Variants in PRCP observed in about 807,000 individuals in gnomAD.
The protein encoded by PRCP is prolylcarboxypeptidase.
In PRCP, 46 loss-of-function variants were observed where a neutral mutation model predicts 54.2. The observed-to-expected ratio is 0.85, with a 90% CI of 0.67 to 1.09. The LOEUF (loss-of-function observed/expected upper bound fraction) is 1.09, where lower values mean the gene tolerates loss of function less well. PRCP is among the 50% of genes least tolerant of loss of function. The pLI, the probability that PRCP is intolerant of heterozygous loss-of-function variation, is 0.00. For synonymous variants in PRCP, 240 were observed against 212.2 expected, an observed-to-expected ratio of 1.13 and a Z score of -1.14; for missense variants, 613 against 596.8, an observed-to-expected ratio of 1.03 and a Z score of -0.28.
chr11:82,866,826 A>G (rs1859347938), intron 1 of PRCP, among the ~76,000 whole-genome samples: 1 of 151,982 alleles, frequency 6.6e-6, no homozygotes, highest in South Asian at 2.1e-4. Flanking sequence ...AGTTCAAGCA[A>G]TTCTCCTGCC....
intron 1 of PRCP, among the ~76,000 whole-genome samples, chr11:82,877,341 G>A (rs1232424270): frequency 6.6e-6 from 1 of 152,224 alleles, no homozygotes; most frequent in Admixed American, 6.5e-5. Flanking sequence ...TGCAGAAATT[G>A]CATAAGTAGC....
intron 1 of PRCP, among the ~76,000 whole-genome samples, chr11:82,889,432 G>A (rs192715986): frequency 5.5e-4 from 84 of 152,068 alleles, no homozygotes; most frequent in African/African-American, 2.0e-3. Context: ...GGAGGAAGGA[G>A]GGGGAGGAAG....
chr11:82,863,368 TAA>T (rs987491314), intron 1 of PRCP, among the ~76,000 whole-genome samples: 4 of 152,138 alleles, frequency 2.6e-5, no homozygotes, highest in African/African-American at 9.7e-5. Flanking sequence ...CCCCCAAATA[TAA>T]GCTAACTGTA....
intron 4 of PRCP, 70 bp downstream of exon 4, chr11:82,850,254 C>A: frequency 1.5e-6 from 2 of 1,343,410 alleles, no homozygotes; most frequent in Non-Finnish European, 1.9e-6. Context: ...CATGTTTTAC[C>A]CAAAATGAAT....
intron 6 of PRCP, among the ~76,000 whole-genome samples, chr11:82,842,024 T>C (rs1189347563): frequency 4.6e-5 from 7 of 152,028 alleles, no homozygotes; most frequent in Non-Finnish European, 7.4e-5. Context: ...GCATGGTAGA[T>C]GGGGAAGGGC....
chr11:82,900,035 C>A lies in PRCP; in HGVS notation c.168+200G>T. The A allele has an allele frequency of 9.2e-6, 6 of 655,270 alleles. No individual in the cohort carries two copies. The South Asian group carries it at 1.2e-4, about 13-fold the overall frequency. 40.6% of individuals were successfully genotyped at this position (655,270 alleles called of 1,614,324 possible). ...CAAGAGTATGCAGCCAAAACTACTA[C>A]CAAATTATTGGTAATGGGAGGAGAA... On this transcript the variant is annotated intron_variant, in intron 1 of 8. Transcript: ENST00000313010.
intron 8 of PRCP, 126 bp downstream of exon 8, chr11:82,838,261 A>C: frequency 1.2e-6 from 1 of 854,848 alleles, no homozygotes; most frequent in Non-Finnish European, 1.7e-6. Context: ...GCATAGGAAA[A>C]CATGACAGGT....
intron 1 of PRCP, among the ~76,000 whole-genome samples, chr11:82,890,125 T>C (rs1054944200): frequency 6.6e-6 from 1 of 152,182 alleles, no homozygotes; most frequent in Non-Finnish European, 1.5e-5. Flanking sequence ...TAGAGAAACA[T>C]ACAGCCACAT....
rs139548692 is a variant in PRCP, at chr11:82,893,220, C to T, written c.168+7015G>A. The stretch of plus-strand genomic sequence containing the variant: ...AAAGCATATGCTAAAAAGGAAACCC[C>T]GATCAGCCACTTAGTCTCTGAGTGA... On this transcript the variant is annotated intron_variant, in intron 1 of 8. Coordinates refer to ENST00000313010, the MANE Select transcript of PRCP (RefSeq NM_005040.4). Among the ~76,000 whole-genome samples, 1,121 of 152,276 alleles carry T rather than the reference C, an allele frequency of 7.4e-3. 12 individuals are homozygous for T. The highest frequency in any genetic ancestry group is 9.4e-3 in the Non-Finnish European group (639 of 68,008).
chr11:82,883,580 TA>T (rs1434943140), intron 1 of PRCP, among the ~76,000 whole-genome samples: 2 of 152,200 alleles, frequency 1.3e-5, no homozygotes, highest in Non-Finnish European at 2.9e-5. Context: ...CTACACTAGC[TA>T]AGCAAGGGAT....
chr11:82,876,343 G>C (rs1427387748), intron 1 of PRCP, among the ~76,000 whole-genome samples: 1 of 152,158 alleles, frequency 6.6e-6, no homozygotes, highest in African/African-American at 2.4e-5. Flanking sequence ...CACAGCAAAG[G>C]CTCAAAAAGT....
At chr11:82,835,483 G>C (rs779968328) in intron 8 of PRCP, 60 of 237,128 alleles carry the variant, frequency 2.5e-4, no homozygotes, top group Non-Finnish European at 4.1e-4. Flanking sequence ...GAGTTCCCAT[G>C]TGCTAAGCCC....
chr11:82,852,742 T>C (rs933281882), intron 3 of PRCP, among the ~76,000 whole-genome samples: 1 of 152,224 alleles, frequency 6.6e-6, no homozygotes, highest in Non-Finnish European at 1.5e-5. Context: ...TAATGCATCA[T>C]ACAGCTTATT....
At chr11:82,828,136 A>G (rs1407773068) in intron 8 of PRCP, 1 of 152,194 alleles carries the variant, frequency 6.6e-6, no homozygotes, top group Non-Finnish European at 1.5e-5. Flanking sequence ...TCTTTTATAA[A>G]AGAGAAAACT....
In PRCP at chr11:82,838,480, C is replaced by G; in HGVS notation, c.1181G>C (p.Cys394Ser). 6.2e-7 allele frequency: 1 copy of G among 1,614,104 alleles called. No individual in the cohort carries two copies. The highest frequency in any genetic ancestry group is 1.1e-5 in the South Asian group (1 of 91,074). Residue 394 changes from cysteine to serine, a missense_variant, in exon 8 of 9, where the codon TGT (cysteine) becomes TCT (serine). Cys to Ser is a moderately radical substitution (Grantham distance 112). Transcript: ENST00000313010. ...SWNLKELSDD[C>S]FQQWGVRPRP... is the part of the protein sequence containing the mutation. ...TGGTCTCACACCCCACTGTTGAAAA[C>G]AGTCATCAGAAAGTTCCTTTAAGTT...
intron 3 of PRCP, 66 bp from the exon 4 acceptor site, chr11:82,850,571 G>T: frequency 8.2e-7 from 1 of 1,225,900 alleles, no homozygotes; most frequent in Non-Finnish European, 1.1e-6. Flanking sequence ...GAATAGCATG[G>T]ATCCAGAAGA....
At chr11:82,901,067 C>A (rs183874894), upstream of PRCP, 114 of 364,676 alleles carry the variant, frequency 3.1e-4, no homozygotes, top group African/African-American at 2.3e-3. Context: ...CAGCAGTGAG[C>A]GGAGCACGTC....
chr11:82,851,499 T>C (rs971825685), intron 3 of PRCP, among the ~76,000 whole-genome samples: 1 of 149,386 alleles, frequency 6.7e-6, no homozygotes, highest in African/African-American at 2.5e-5. Flanking sequence ...TAATCCTCCA[T>C]ATGAGAGGCT....
At chr11:82,870,652 G>A (rs919172099) in intron 1 of PRCP, among the ~76,000 whole-genome samples, 9 of 152,166 alleles carry the variant, frequency 5.9e-5, no homozygotes, top group Non-Finnish European at 1.0e-4. Flanking sequence ...TAAAGACAGA[G>A]GTAAAAGTTC....
Sources: gnomAD v4.1 joint callset for allele counts (sites outside exome capture counted in the v4.1 genomes callset) on GRCh38, gnomAD v4.1.1 for gene constraint, MANE v1.5 for transcripts, NCBI Gene and HGNC (gene_info 2026-07-23, HGNC 2026-07-21) for gene names.